MED13L: variants seen among roughly 807,000 people sequenced by gnomAD.
MED13L encodes the protein mediator complex subunit 13L.
MED13L carries 7 observed loss-of-function variants against 220.9 expected under a neutral mutation model. The observed-to-expected ratio is 0.03, with a 90% CI of 0.02 to 0.06. The LOEUF (loss-of-function observed/expected upper bound fraction) is 0.06, where lower values mean the gene tolerates loss of function less well. Ranked by LOEUF, MED13L falls within the 10% of genes least tolerant of loss-of-function variation. MED13L has a pLI of 1.00. For synonymous variants in MED13L, 1,011 were observed against 1,015.2 expected, an observed-to-expected ratio of 1.00 and a Z score of 0.08; for missense variants, 1,965 against 2,760.5, an observed-to-expected ratio of 0.71 and a Z score of 6.46.
At position 115,959,782 on chromosome 12, in the gene MED13L, GATT is replaced by G. The variant is rs1875647404; in HGVS notation, c.*1481_*1483del. On this transcript the variant is annotated 3_prime_UTR_variant, in exon 31 of 31. Coordinates refer to ENST00000281928, the MANE Select transcript of MED13L (RefSeq NM_015335.5). ...TTTTAATATAATGTTTTAAACTTTA[GATT>G]ATTTCAAGAAAAATACTTTTACAAA... 6.6e-6 allele frequency: 1 copy of G among 152,356 alleles called. No individual in the cohort carries two copies. The highest frequency in any genetic ancestry group is 1.5e-5 in the Non-Finnish European group (1 of 67,992). The allele number at this position is 152,356 out of a possible 1,614,324, so 9.4% of individuals were successfully genotyped here.
intron 23 of MED13L, among the ~76,000 whole-genome samples, chr12:115,977,914 A>C (rs1877047676): frequency 6.6e-6 from 1 of 152,078 alleles, no homozygotes; most frequent in Non-Finnish European, 1.5e-5. Context: ...AGGATCACTT[A>C]AGCCCAGGGA....
chr12:116,136,866 G>A (rs1876601156), intron 2 of MED13L, among the ~76,000 whole-genome samples: 1 of 152,262 alleles, frequency 6.6e-6, no homozygotes, highest in Non-Finnish European at 1.5e-5. Context: ...CATATTACAT[G>A]CACACTTTCA....
intron 2 of MED13L, among the ~76,000 whole-genome samples, chr12:116,216,006 AC>A (rs1302747600): frequency 6.6e-6 from 1 of 152,132 alleles, no homozygotes; most frequent in Non-Finnish European, 1.5e-5. Context: ...GATTTAAATT[AC>A]CTTTTCAAAC....
At chr12:116,217,179 T>C (rs1015777523) in intron 2 of MED13L, among the ~76,000 whole-genome samples, 2 of 152,106 alleles carry the variant, frequency 1.3e-5, no homozygotes, top group Non-Finnish European at 2.9e-5. Flanking sequence ...GCATGACACA[T>C]GAGCATGACC....
At chr12:116,223,705 AAAAAT>A (rs1285394452) in intron 2 of MED13L, among the ~76,000 whole-genome samples, 8 of 152,214 alleles carry the variant, frequency 5.3e-5, no homozygotes, top group African/African-American at 1.7e-4. Flanking sequence ...ACTCCATCTC[AAAAAT>A]AAAATAAAAA....
chr12:116,057,255 A>T (rs1869055045), intron 4 of MED13L, among the ~76,000 whole-genome samples: 1 of 152,186 alleles, frequency 6.6e-6, no homozygotes, highest in Non-Finnish European at 1.5e-5. Flanking sequence ...AAGAAACTGC[A>T]ATTAATAATC....
rs1227363990 is a variant in MED13L at position 116,277,544 on chromosome 12, A to C, written c.-413T>G. On this transcript the variant is annotated 5_prime_UTR_variant, in exon 1 of 31. Transcript: ENST00000281928. ...GAGCCGCCGCCGCCGCGGAGCGCGA[A>C]CTCGCGAAGGGGGGGGTGCGGACGA... Among the ~76,000 whole-genome samples the C allele has an allele frequency of 1.4e-5, 2 of 147,794 alleles. No homozygotes were observed. Among genetic ancestry groups the C allele is most frequent in the African/African-American group, 2.5e-5 (1 of 40,586 alleles).
intron 2 of MED13L, among the ~76,000 whole-genome samples, chr12:116,127,777 G>C (rs756236450): frequency 3.7e-4 from 56 of 152,160 alleles, no homozygotes; most frequent in Non-Finnish European, 5.9e-4. Context: ...GAGAGCCAAA[G>C]TAATCTTTTT....
intron 2 of MED13L, among the ~76,000 whole-genome samples, chr12:116,158,497 A>G (rs1006993488): frequency 2.6e-5 from 4 of 152,174 alleles, no homozygotes; most frequent in Non-Finnish European, 5.9e-5. Context: ...CTGTAGAACT[A>G]ATTGGCAAAG....
At chr12:116,077,417 G>C (rs1307037339) in intron 4 of MED13L, among the ~76,000 whole-genome samples, 1 of 152,146 alleles carries the variant, frequency 6.6e-6, no homozygotes, top group Non-Finnish European at 1.5e-5. Flanking sequence ...TAGGAAATTA[G>C]TAAATAAGGT....
chr12:116,242,663 T>C (rs979292005), intron 1 of MED13L, among the ~76,000 whole-genome samples: 2 of 152,210 alleles, frequency 1.3e-5, no homozygotes, highest in Admixed American at 1.3e-4. Flanking sequence ...AGAGTTTTCA[T>C]ATATTATTTC....
At chr12:116,247,243 A>C (rs1871177985) in intron 1 of MED13L, among the ~76,000 whole-genome samples, 1 of 152,164 alleles carries the variant, frequency 6.6e-6, no homozygotes, top group Non-Finnish European at 1.5e-5. Flanking sequence ...GCTTTAAAAA[A>C]AAAAAGGAAA....
chr12:116,218,165 T>C (rs1883112677), intron 2 of MED13L, among the ~76,000 whole-genome samples: 1 of 152,228 alleles, frequency 6.6e-6, no homozygotes, highest in African/African-American at 2.4e-5. Flanking sequence ...GTAATTTTTT[T>C]TAACCCAGAG....
intron 4 of MED13L, among the ~76,000 whole-genome samples, chr12:116,074,677 A>G (rs1352447402): frequency 6.6e-6 from 1 of 152,228 alleles, no homozygotes; most frequent in Non-Finnish European, 1.5e-5. Flanking sequence ...TCACTATTCC[A>G]TACTCCTGTT....
chr12:116,017,521 T>C (rs572919912), intron 7 of MED13L, among the ~76,000 whole-genome samples: 4 of 152,254 alleles, frequency 2.6e-5, no homozygotes, highest in African/African-American at 9.6e-5. Context: ...CAAAAGACTA[T>C]GAAAGTTCTT....
intron 2 of MED13L, among the ~76,000 whole-genome samples, chr12:116,173,498 C>T (rs939467070): frequency 2.0e-5 from 3 of 152,016 alleles, no homozygotes. Flanking sequence ...ATCAATAAAA[C>T]GGGCACTTTA....
chr12:116,120,356 A>C (rs574205390), intron 2 of MED13L, among the ~76,000 whole-genome samples: 1 of 152,222 alleles, frequency 6.6e-6, no homozygotes, highest in East Asian at 1.9e-4. Context: ...TGGACCTAAA[A>C]TTAATGTGTT....
At chr12:116,270,644 T>G (rs1439913842) in intron 1 of MED13L, among the ~76,000 whole-genome samples, 1 of 152,176 alleles carries the variant, frequency 6.6e-6, no homozygotes, top group Non-Finnish European at 1.5e-5. Context: ...TTACTAAGAT[T>G]AATGAAATAT....
At chr12:116,152,627 G>A (rs574313895) in intron 2 of MED13L, among the ~76,000 whole-genome samples, 34 of 152,224 alleles carry the variant, frequency 2.2e-4, no homozygotes, top group Admixed American at 1.6e-3. Context: ...ACCCAATGGC[G>A]TGGGGGGGAA....
Sources: allele counts gnomAD v4.1 joint callset (sites outside exome capture counted in the v4.1 genomes callset), GRCh38; gene constraint gnomAD v4.1.1; transcripts MANE v1.5; gene names NCBI Gene and HGNC (gene_info 2026-07-23, HGNC 2026-07-21).